BORCS8: variants seen among roughly 807,000 people sequenced by gnomAD.
BORCS8 encodes the protein BLOC-1 related complex subunit 8.
BORCS8 carries 13 observed loss-of-function variants against 18.7 expected under a neutral mutation model. The observed-to-expected ratio is 0.70, with a 90% CI of 0.45 to 1.11. The LOEUF (loss-of-function observed/expected upper bound fraction) is 1.11. Ranked by LOEUF, BORCS8 falls within the 50% of genes least tolerant of loss-of-function variation. The probability of loss-of-function intolerance (pLI) is 0.00; values close to 1 mark genes in which losing one functional copy is unlikely to be tolerated. For synonymous variants in BORCS8, 68 were observed against 64.8 expected, an observed-to-expected ratio of 1.05 and a Z score of -0.24; for missense variants, 165 against 165.7, an observed-to-expected ratio of 1.00 and a Z score of 0.02.
chr19:19,185,838 C>T (rs1279053334), intron 3 of BORCS8, among the ~76,000 whole-genome samples, 196 bp downstream of exon 3: 1 of 152,226 alleles, frequency 6.6e-6, no homozygotes, highest in African/African-American at 2.4e-5. Flanking sequence ...CCTGTGGCAG[C>T]TGGGGAGGGG....
chr19:19,192,101 A>C lies in BORCS8; in HGVS notation c.17T>G (p.Met6Arg). Residue 6 changes from methionine to arginine, a missense_variant, in exon 1 of 6, where the codon ATG (methionine) becomes AGG (arginine). Physicochemically the swap from Met to Arg is moderately conservative, Grantham distance 91 (BLOSUM62 -1). Transcript: ENST00000462790. ...ACCACCTTTCTTCCCCTTGAGCTGC[A>C]TCTCCGGCTCCTCCATAGCGACCGC... MEEPE[M>R]QLKGKKVTDK... The C allele has an allele frequency of 1.3e-6, 2 of 1,551,190 alleles. No homozygotes were observed. The highest frequency in any genetic ancestry group is 1.7e-6 in the Non-Finnish European group (2 of 1,146,824).
In BORCS8 at chr19:19,191,974, GCAGTT is replaced by G. The variant is rs151038054; in HGVS notation, c.37+102_37+106del. On this transcript the variant is annotated intron_variant, in intron 1 of 5. Coordinates refer to ENST00000462790, the MANE Select transcript of BORCS8 (RefSeq NM_001145784.2). The stretch of plus-strand genomic sequence containing the variant: ...TCAGCGGCAGAGCTGGGATTGGACG[GCAGTT>G]CAATCACTGCTCCTCGCACGGTCCC... 6.3e-3 allele frequency: 8,400 copies of G among 1,339,372 alleles called. 413 individuals carry two copies. The African/African-American group carries it at 0.11, about 17-fold the overall frequency. 83.0% of individuals were successfully genotyped at this position (1,339,372 alleles called of 1,614,324 possible).
At chr19:19,188,927 C>T (rs1392842452) in intron 1 of BORCS8, among the ~76,000 whole-genome samples, 4 of 151,788 alleles carry the variant, frequency 2.6e-5, no homozygotes, top group Admixed American at 6.6e-5. Context: ...CTCCACCTCC[C>T]GGGTTCAGGT....
chr19:19,180,421 A>T, intron 5 of BORCS8: 1 of 528,136 alleles, frequency 1.9e-6, no homozygotes, highest in Non-Finnish European at 3.4e-6. Context: ...AATCTCTGGG[A>T]CTAGCATGGG....
At chr19:19,188,665 C>T (rs1276031458) in intron 1 of BORCS8, among the ~76,000 whole-genome samples, 1 of 149,186 alleles carries the variant, frequency 6.7e-6, no homozygotes, top group Non-Finnish European at 1.5e-5. Flanking sequence ...ACCTGTGTCC[C>T]TCGCTGGGCA....
intron 1 of BORCS8, 82 bp downstream of exon 1, chr19:19,191,999 G>C (rs1216831034): frequency 3.0e-5 from 45 of 1,508,758 alleles, no homozygotes; most frequent in Middle Eastern, 1.7e-4. Flanking sequence ...CTCCTCGCAC[G>C]GTCCCTCCGC....
intron 3 of BORCS8, among the ~76,000 whole-genome samples, chr19:19,183,196 C>A (rs987426578): frequency 4.6e-5 from 7 of 152,028 alleles, no homozygotes; most frequent in African/African-American, 7.2e-5. Context: ...ATCATGAGGT[C>A]GGGAGGTCAA....
In BORCS8 at chr19:19,182,531, C is replaced by T; in HGVS notation, c.326+42G>A. 2 of 1,539,836 alleles carry T rather than the reference C, an allele frequency of 1.3e-6. No homozygotes were observed. The highest frequency in any genetic ancestry group is 1.8e-6 in the Non-Finnish European group (2 of 1,142,558). ...CAGCGCAGCTGAGAGACGGTCCTTGCAGCTGGGAGTGGCAGTGGGGGCGGG... is the reference window on the plus strand; with the variant it reads ...CAGCGCAGCTGAGAGACGGTCCTTGTAGCTGGGAGTGGCAGTGGGGGCGGG... On this transcript the variant is annotated intron_variant, in intron 4 of 5. Transcript: ENST00000462790. This position sits in a 1 kb window ranked among gnomAD's most constrained non-coding sequence, Gnocchi z 4.1.
chr19:19,180,701 C>T lies in BORCS8; in HGVS notation c.*27G>A. 1 of 1,548,570 alleles carries T rather than the reference C, an allele frequency of 6.5e-7. No individual in the cohort carries two copies. On this transcript the variant is annotated 3_prime_UTR_variant, in exon 5 of 6. Transcript: ENST00000462790. ...CGGCACTGACCTGGGTTGGCGGAGG[C>T]TGGGGGGCCCCGAGTCTCTTCCAGG...
chr19:19,186,646 G>C (rs976271193), intron 2 of BORCS8, among the ~76,000 whole-genome samples: 21 of 152,312 alleles, frequency 1.4e-4, no homozygotes, highest in African/African-American at 4.8e-4. Context: ...AGTTTCCTGA[G>C]GCCTCCCCAG....
chr19:19,182,102 A>G lies in BORCS8; in HGVS notation c.326+471T>C. 5.2e-6 allele frequency: 5 copies of G among 957,164 alleles called. No homozygotes were observed. The highest frequency in any genetic ancestry group is 6.2e-6 in the Non-Finnish European group (5 of 804,776). The allele number at this position is 957,164 out of a possible 1,614,324, so 59.3% of individuals were successfully genotyped here. ...CCCAGCTGGCCGGCTCCAGCCACAG[A>G]AGCCTTCTCGGTGCTTCTCGAACAC... On this transcript the variant is annotated intron_variant, in intron 4 of 5. Transcript: ENST00000462790. This position sits in a 1 kb window ranked among gnomAD's most constrained non-coding sequence, Gnocchi z 4.1.
Position 19,182,370 on chromosome 19 carries a change from G to A in BORCS8, c.326+203C>T. 7.5e-7 allele frequency: 1 copy of A among 1,340,766 alleles called. No homozygotes were observed. The highest frequency in any genetic ancestry group is 9.7e-7 in the Non-Finnish European group (1 of 1,034,246). 83.1% of individuals were successfully genotyped at this position (1,340,766 alleles called of 1,614,324 possible). On this transcript the variant is annotated intron_variant, in intron 4 of 5. Transcript: ENST00000462790. The surrounding 1 kb of genome is among the most constrained non-coding windows in gnomAD (Gnocchi z 4.1). ...TCCCCAGTGCCCAGCCCAGGGCCAG[G>A]CACACAGCAGAGCGCAGGACCTCGG...
chr19:19,189,309 G>A (rs913175605), intron 1 of BORCS8, among the ~76,000 whole-genome samples: 4 of 152,196 alleles, frequency 2.6e-5, no homozygotes, highest in African/African-American at 4.8e-5. Context: ...AGCGAGGCAC[G>A]GCCATCTCCT....
chr19:19,190,680 C>T (rs3761080), intron 1 of BORCS8, among the ~76,000 whole-genome samples: 6,155 of 152,044 alleles, frequency 0.04, 271 homozygotes, highest in East Asian at 0.24. Flanking sequence ...CCCAGCTATT[C>T]GGGAGGCTGA....
chr19:19,186,835 T>G (rs1412655922), intron 2 of BORCS8, 58 bp downstream of exon 2: 1 of 1,276,296 alleles, frequency 7.8e-7, no homozygotes, highest in East Asian at 2.6e-5. Context: ...CTTGCTGGTG[T>G]CCCAGCCTTG....
chr19:19,191,935 G>A (rs1372132435), intron 1 of BORCS8, 146 bp downstream of exon 1: 10 of 946,812 alleles, frequency 1.1e-5, no homozygotes, highest in South Asian at 1.5e-5. Flanking sequence ...CCTTTCTACA[G>A]GTTTCAAAAC....
At chr19:19,190,336 C>T (rs2146434228) in intron 1 of BORCS8, among the ~76,000 whole-genome samples, 1 of 152,322 alleles carries the variant, frequency 6.6e-6, no homozygotes, top group East Asian at 1.9e-4. Context: ...AATGCCATCA[C>T]CAGGGTGACT....
chr19:19,182,586 C>T lies in BORCS8; in HGVS notation c.313G>A (p.Ala105Thr). Residue 105 changes from alanine (A) to threonine (T), a missense_variant, in exon 4 of 6, where the codon GCC (alanine) becomes ACC (threonine). Ala to Thr is a moderately conservative substitution (Grantham distance 58). Transcript: ENST00000462790. The surrounding 1 kb of genome is among the most constrained non-coding windows in gnomAD (Gnocchi z 4.1). The part of the protein sequence containing the change: ...ISIRDHMNAS[A>T]QGHSPEEPPP... ...CCCAGGAGCTACCTGTGGCCCTGGG[C>T]ACTGGCATTCATATGGTCCCGGATG... 1 of 1,550,986 alleles carries T rather than the reference C, an allele frequency of 6.4e-7. No individual in the cohort carries two copies. Among genetic ancestry groups the T allele is most frequent in the Non-Finnish European group, 8.7e-7 (1 of 1,146,892 alleles).
rs1387617928 is a variant in BORCS8, at chr19:19,182,189, GC to G, written c.326+383del. On this transcript the variant is annotated intron_variant, in intron 4 of 5. Transcript: ENST00000462790. This position sits in a 1 kb window ranked among gnomAD's most constrained non-coding sequence, Gnocchi z 4.1. Reference sequence around the variant, plus strand: ...CACTGCCCCACATGGAACTCCGTCTGCCCCCGGATCGTCTCTGTCTGCATGT... The same window carrying G: ...CACTGCCCCACATGGAACTCCGTCTGCCCCGGATCGTCTCTGTCTGCATGT... The G allele has an allele frequency of 2.2e-6, 1 of 445,586 alleles. No individual in the cohort carries two copies. Among genetic ancestry groups the G allele is most frequent in the Non-Finnish European group, 3.0e-6 (1 of 332,276 alleles). 27.6% of individuals were successfully genotyped at this position (445,586 alleles called of 1,614,324 possible). A position where few individuals can be genotyped will look rare whatever the true frequency, so the allele number is the denominator to read the frequency against.
Sources: allele counts gnomAD v4.1 joint callset (sites outside exome capture counted in the v4.1 genomes callset), GRCh38; gene constraint gnomAD v4.1.1; non-coding constraint Gnocchi (gnomAD v3.1); transcripts MANE v1.5; gene names NCBI Gene and HGNC (gene_info 2026-07-23, HGNC 2026-07-21).